Variants in PHACTR2 observed in about 807,000 individuals in gnomAD.
PHACTR2 encodes chromosome 6 open reading frame 56.
In PHACTR2, 30 loss-of-function variants were observed where a neutral mutation model predicts 76.0. The observed-to-expected ratio is 0.39, with a 90% CI of 0.30 to 0.54. The LOEUF (loss-of-function observed/expected upper bound fraction) is 0.54, where lower values mean the gene tolerates loss of function less well. PHACTR2 is among the 20% of genes least tolerant of loss of function. The probability of loss-of-function intolerance (pLI) is 0.61; values close to 1 mark genes in which losing one functional copy is unlikely to be tolerated. For missense variants in PHACTR2, 696 were observed against 781.1 expected, an observed-to-expected ratio of 0.89 and a Z score of 1.30; for synonymous variants, 292 against 292.5, an observed-to-expected ratio of 1.00 and a Z score of 0.02.
intron 11 of PHACTR2, among the ~76,000 whole-genome samples, chr6:143,804,458 A>G (rs758488238): frequency 3.3e-5 from 5 of 152,174 alleles, no homozygotes; most frequent in African/African-American, 4.8e-5. Context: ...TGGTTACAGG[A>G]CTCACCCAGA....
At chr6:143,604,902 A>AGAAAAAAAGC (rs1554214034), upstream of PHACTR2, among the ~76,000 whole-genome samples, 4 of 151,426 alleles carry the variant, frequency 2.6e-5, no homozygotes, top group Non-Finnish European at 5.9e-5. Flanking sequence ...AAAAAAAAAA[A>AGAAAAAAAGC]AGAGAAAAAA....
intron 1 of PHACTR2, among the ~76,000 whole-genome samples, chr6:143,538,812 C>T (rs984892423): frequency 1.3e-5 from 2 of 152,206 alleles, no homozygotes; most frequent in African/African-American, 2.4e-5. Context: ...CTTTGTAGAT[C>T]GCATTGGATG....
intron 12 of PHACTR2, chr6:143,810,452 C>T (rs537592331): frequency 4.5e-5 from 15 of 336,310 alleles, no homozygotes; most frequent in South Asian, 3.6e-4. Flanking sequence ...ACTCACTACT[C>T]ATGTGGTCGA....
intron 4 of PHACTR2, among the ~76,000 whole-genome samples, chr6:143,758,437 T>C (rs1158598102): frequency 1.3e-5 from 2 of 152,228 alleles, no homozygotes; most frequent in Admixed American, 6.5e-5. Context: ...TTCAACCATA[T>C]GTCAGAAGAC....
chr6:143,564,181 G>GCA (rs1475444904), intron 1 of PHACTR2, among the ~76,000 whole-genome samples: 2 of 56,268 alleles, frequency 3.6e-5, no homozygotes, highest in Admixed American at 2.1e-4. Flanking sequence ...ATGTGTGTGT[G>GCA]TATGTGTGTG....
Position 143,600,917 on chromosome 6 carries a change from C to A in PHACTR2, c.217+63710C>A, listed in dbSNP as rs964058197. Reference sequence around the variant, plus strand: ...GGCCTATACATTGAGCCTGGCCATTCCTGGTAAATATTGTAGAATGAAGAG... The same window carrying A: ...GGCCTATACATTGAGCCTGGCCATTACTGGTAAATATTGTAGAATGAAGAG... On this transcript the variant is annotated intron_variant, in intron 1 of 11. Transcript: ENST00000367584. Among the ~76,000 whole-genome samples the A allele has an allele frequency of 4.2e-4, 64 of 152,306 alleles. 1 individual carries two copies. Among genetic ancestry groups the A allele is most frequent in the African/African-American group, 1.4e-3 (58 of 41,568 alleles).
rs1378509222 is a variant in PHACTR2, at chr6:143,678,237, C to G, written c.46+28C>G. ...GAGTCCGGGGCGCACGCGATGCGCT[C>G]CCGCCGCGCGGGCGCAGGGCTGGCG... On this transcript the variant is annotated intron_variant, in intron 1 of 12. Coordinates refer to ENST00000440869, the MANE Select transcript of PHACTR2 (RefSeq NM_001100164.2). This position sits in a 1 kb window ranked among gnomAD's most constrained non-coding sequence, Gnocchi z 6.2. 1 of 1,466,774 alleles carries G rather than the reference C, an allele frequency of 6.8e-7. No homozygotes were observed. The highest frequency in any genetic ancestry group is 2.9e-5 in the East Asian group (1 of 34,024). The allele number at this position is 1,466,774 out of a possible 1,614,324, so 90.9% of individuals were successfully genotyped here. A position where few individuals can be genotyped will look rare whatever the true frequency, so the allele number is the denominator to read the frequency against.
intron 1 of PHACTR2, among the ~76,000 whole-genome samples, chr6:143,630,545 G>A (rs1170170502): frequency 6.6e-6 from 1 of 152,088 alleles, no homozygotes; most frequent in Non-Finnish European, 1.5e-5. Context: ...TCATAGGGTC[G>A]TTGCAGGATT....
At position 143,818,534 on chromosome 6, in the gene PHACTR2, C is replaced by T. The variant is rs1347824424; in HGVS notation, c.1923-5140C>T. On this transcript the variant is annotated intron_variant, in intron 12 of 12. Transcript: ENST00000440869. The surrounding 1 kb of genome is among the most constrained non-coding windows in gnomAD (Gnocchi z 4.9). ...TGTTATTATTATCTGTGTATTAGTC[C>T]ATTCTCATGCTGTTATAAGGACATA... Among the ~76,000 whole-genome samples, 4 of 152,146 alleles carry T rather than the reference C, an allele frequency of 2.6e-5. No homozygotes were observed. Among genetic ancestry groups the T allele is most frequent in the Non-Finnish European group, 5.9e-5 (4 of 68,040 alleles).
At chr6:143,555,120 A>G (rs1227076235) in intron 1 of PHACTR2, 1 of 152,174 alleles carries the variant, frequency 6.6e-6, no homozygotes, top group Non-Finnish European at 1.5e-5. Context: ...ATGCCCTTCA[A>G]TAAAAACCAT....
chr6:143,624,327 G>A lies in PHACTR2; in HGVS notation c.13+16005G>A, dbSNP rs889006751. 7.2e-5 allele frequency among the ~76,000 whole-genome samples: 11 copies of A among 152,150 alleles called. No homozygotes were observed. Among genetic ancestry groups the A allele is most frequent in the Non-Finnish European group, 1.6e-4 (11 of 68,010 alleles). On this transcript the variant is annotated intron_variant, in intron 1 of 11. Transcript: ENST00000305766. This position sits in a 1 kb window ranked among gnomAD's most constrained non-coding sequence, Gnocchi z 4.6. The stretch of plus-strand genomic sequence containing the variant: ...TCCCCCTGTTGGCCAGGCTGGTCTC[G>A]AACTCCTGACCTCAGGTGATCCACC...
rs1432874697 is a variant in PHACTR2, at chr6:143,684,496, A to G, written c.46+6287A>G. On this transcript the variant is annotated intron_variant, in intron 1 of 12. Transcript: ENST00000440869. The surrounding 1 kb of genome is among the most constrained non-coding windows in gnomAD (Gnocchi z 4.3). Reference sequence around the variant, plus strand: ...GCCATCCATTACATGGACAACTATAAACTACATGTCCTAATGACATATTAG... The same window carrying G: ...GCCATCCATTACATGGACAACTATAGACTACATGTCCTAATGACATATTAG... 1.3e-5 allele frequency among the ~76,000 whole-genome samples: 2 copies of G among 152,188 alleles called. No homozygotes were observed. Among genetic ancestry groups the G allele is most frequent in the African/African-American group, 4.8e-5 (2 of 41,464 alleles).
intron 1 of PHACTR2, among the ~76,000 whole-genome samples, chr6:143,569,728 T>G (rs2128431420): frequency 6.6e-6 from 1 of 152,266 alleles, no homozygotes; most frequent in East Asian, 1.9e-4. Context: ...AAGTGATGTG[T>G]CTTTCCCATT....
chr6:143,561,153 C>T lies in PHACTR2; in HGVS notation c.217+23946C>T, dbSNP rs962155112. On this transcript the variant is annotated intron_variant, in intron 1 of 11. Transcript: ENST00000367584. This position sits in a 1 kb window ranked among gnomAD's most constrained non-coding sequence, Gnocchi z 4.1. The stretch of plus-strand genomic sequence containing the variant: ...GCAGGGATTGAAGGAGAGGAAGATG[C>T]AGTAGGCACTGACCTTCTGACCTTG... 2 of 152,518 alleles carry T rather than the reference C, an allele frequency of 1.3e-5. No homozygotes were observed. Among genetic ancestry groups the T allele is most frequent in the African/African-American group, 2.4e-5 (1 of 41,446 alleles). 9.4% of individuals were successfully genotyped at this position (152,518 alleles called of 1,614,324 possible).
rs1028335034 is a variant in PHACTR2 at position 143,558,324 on chromosome 6, A to G, written c.217+21117A>G. ...TAAGAAAGAGTTTTCCCCTATTTAC[A>G]TGTAAAAATATGATAGGAGAAAAAA... On this transcript the variant is annotated intron_variant, in intron 1 of 11. Transcript: ENST00000367584. This position sits in a 1 kb window ranked among gnomAD's most constrained non-coding sequence, Gnocchi z 4.7. 1.3e-5 allele frequency among the ~76,000 whole-genome samples: 2 copies of G among 152,154 alleles called. No individual in the cohort carries two copies. Among genetic ancestry groups the G allele is most frequent in the Non-Finnish European group, 2.9e-5 (2 of 68,034 alleles).
At position 143,608,450 on chromosome 6, in the gene PHACTR2, T is replaced by C; in HGVS notation, c.13+128T>C. 1 of 889,480 alleles carries C rather than the reference T, an allele frequency of 1.1e-6. No individual in the cohort carries two copies. The highest frequency in any genetic ancestry group is 1.8e-6 in the Non-Finnish European group (1 of 543,114). The allele number at this position is 889,480 out of a possible 1,614,324, so 55.1% of individuals were successfully genotyped here. On this transcript the variant is annotated intron_variant, in intron 1 of 11. Transcript: ENST00000305766. This position sits in a 1 kb window ranked among gnomAD's most constrained non-coding sequence, Gnocchi z 4.6. ...TAAATGTTCAAGACTGAGACGCGTG[T>C]AATATGTGAACCCCGATGCATTGTC...
At position 143,730,811 on chromosome 6, in the gene PHACTR2, G is replaced by C. The variant is rs1156786797; in HGVS notation, c.215-18174G>C. Among the ~76,000 whole-genome samples, 2 of 152,060 alleles carry C rather than the reference G, an allele frequency of 1.3e-5. No homozygotes were observed. Among genetic ancestry groups the C allele is most frequent in the Admixed American group, 1.3e-4 (2 of 15,272 alleles). On this transcript the variant is annotated intron_variant, in intron 2 of 12. Coordinates refer to ENST00000440869, the MANE Select transcript of PHACTR2 (RefSeq NM_001100164.2). This position sits in a 1 kb window ranked among gnomAD's most constrained non-coding sequence, Gnocchi z 4.8. ...GGCCCAGGCTGGAGTGCAGTGGCGC[G>C]ATCTCGGCTCACTGTAACCTCCGCC...
Position 143,777,143 on chromosome 6 carries a change from C to T in PHACTR2, c.1590-185C>T, listed in dbSNP as rs978191140. Among the ~76,000 whole-genome samples, 11 of 152,194 alleles carry T rather than the reference C, an allele frequency of 7.2e-5. No individual in the cohort carries two copies. The highest frequency in any genetic ancestry group is 3.4e-3 in the Middle Eastern group (1 of 292). On this transcript the variant is annotated intron_variant, in intron 8 of 12. Transcript: ENST00000440869. The surrounding 1 kb of genome is among the most constrained non-coding windows in gnomAD (Gnocchi z 4.6). ...GGAAAGGAGACTGTGTAATGGGGGT[C>T]GGTGAGCAGCCTCAGCCATGATCTG...
rs1779247727 is a variant in PHACTR2 at position 143,754,046 on chromosome 6, A to C, written c.454+134A>C. ...AGGTTTACAAATAGAAAAAAGAAAG[A>C]AATGATAACTAGTAAAGTGAAATCG... On this transcript the variant is annotated intron_variant, in intron 4 of 12. Transcript: ENST00000440869. The surrounding 1 kb of genome is among the most constrained non-coding windows in gnomAD (Gnocchi z 6.2). 4.2e-6 allele frequency: 2 copies of C among 473,664 alleles called. No individual in the cohort carries two copies. The highest frequency in any genetic ancestry group is 3.6e-6 in the Non-Finnish European group (1 of 274,428). The allele number at this position is 473,664 out of a possible 1,614,324, so 29.3% of individuals were successfully genotyped here.
Sources: allele counts gnomAD v4.1 joint callset (sites outside exome capture counted in the v4.1 genomes callset), GRCh38; gene constraint gnomAD v4.1.1; non-coding constraint Gnocchi (gnomAD v3.1); transcripts MANE v1.5; gene names NCBI Gene and HGNC (gene_info 2026-07-23, HGNC 2026-07-21).